ATP8A2: variants seen among roughly 807,000 people sequenced by gnomAD.
The protein encoded by ATP8A2 is ATPase phospholipid transporting 8A2, also known as phospholipid-transporting ATPase IB.
ATP8A2 carries 100 observed loss-of-function variants against 165.6 expected under a neutral mutation model. The ratio of observed to expected loss-of-function variants is 0.60; its 90% confidence interval spans 0.51 to 0.71. The LOEUF is 0.71. Ranked by LOEUF, ATP8A2 falls within the 30% of genes least tolerant of loss-of-function variation. The pLI is 0.00. For synonymous variants in ATP8A2, 543 were observed against 548.8 expected (o/e 0.99, Z 0.15); for missense variants, 1,227 against 1,479.5 (o/e 0.83, Z 2.80).
intron 35 of ATP8A2, among the ~76,000 whole-genome samples, chr13:25,991,726 G>A (rs922581755): frequency 6.6e-6 from 1 of 152,152 alleles, no homozygotes. Context: ...TGTACCACGC[G>A]TTGCTTGACC....
chr13:25,794,605 G>A (rs1950458092), intron 27 of ATP8A2, among the ~76,000 whole-genome samples: 1 of 152,046 alleles, frequency 6.6e-6, no homozygotes, highest in Admixed American at 6.6e-5. Context: ...TCTTGATTAT[G>A]GTGGTTACAC....
chr13:25,630,122 C>T (rs533804782), intron 24 of ATP8A2, among the ~76,000 whole-genome samples: 3 of 152,160 alleles, frequency 2.0e-5, no homozygotes, highest in East Asian at 1.9e-4. Context: ...GAAAACCAGG[C>T]CTCAAATTTT....
At chr13:25,877,350 T>G (rs1216109260) in intron 33 of ATP8A2, among the ~76,000 whole-genome samples, 1 of 152,226 alleles carries the variant, frequency 6.6e-6, no homozygotes, top group Non-Finnish European at 1.5e-5. Context: ...CTCACCTCTT[T>G]GTTTTTAAAA....
intron 1 of ATP8A2, among the ~76,000 whole-genome samples, chr13:25,434,948 GATGGCGTTA>G (rs1311662354): frequency 6.6e-6 from 1 of 152,082 alleles, no homozygotes; most frequent in Non-Finnish European, 1.5e-5. Flanking sequence ...CCTGGATGAT[GATGGCGTTA>G]ATGAGAAAGA....
chr13:25,953,522 TAAA>T lies in ATP8A2; in HGVS notation c.3184-8031_3184-8029del, dbSNP rs374397075. Among the ~76,000 whole-genome samples the T allele has an allele frequency of 2.0e-4, 19 of 94,956 alleles. No individual in the cohort carries two copies. The highest frequency in any genetic ancestry group is 3.7e-4 in the South Asian group (1 of 2,708). The allele number at this position is 94,956 out of a possible 152,430, so 62.3% of individuals were successfully genotyped here. On this transcript the variant is annotated intron_variant, in intron 33 of 36. Transcript: ENST00000381655. The surrounding 1 kb of genome is among the most constrained non-coding windows in gnomAD (Gnocchi z 6.7). Reference sequence around the variant, plus strand: ...GTAGCCCTGGTTACTCCAGCCTTTTTAAAAAAAAAAAAAAAAAAAAAAAAGCAA... The same window carrying T: ...GTAGCCCTGGTTACTCCAGCCTTTTTAAAAAAAAAAAAAAAAAAAAAGCAA...
intron 24 of ATP8A2, among the ~76,000 whole-genome samples, chr13:25,596,281 A>T (rs1313310312): frequency 5.9e-5 from 9 of 152,238 alleles, no homozygotes; most frequent in Admixed American, 5.9e-4. Flanking sequence ...ATCACAGGTA[A>T]TGATTTTAAA....
chr13:25,737,905 C>T (rs940107992), intron 25 of ATP8A2, among the ~76,000 whole-genome samples: 14 of 152,082 alleles, frequency 9.2e-5, no homozygotes, highest in African/African-American at 1.7e-4. Context: ...AGGATGGTCT[C>T]GATCTCCTGA....
chr13:25,403,523 T>C (rs752681686), intron 1 of ATP8A2, among the ~76,000 whole-genome samples: 1 of 152,176 alleles, frequency 6.6e-6, no homozygotes, highest in Non-Finnish European at 1.5e-5. Flanking sequence ...GAGTTGTGGA[T>C]CCTATCTCCA....
intron 1 of ATP8A2, among the ~76,000 whole-genome samples, chr13:25,402,112 A>C (rs2033656541): frequency 6.6e-6 from 1 of 152,138 alleles, no homozygotes; most frequent in Non-Finnish European, 1.5e-5. Flanking sequence ...TAAGTGACTA[A>C]ATGGGCTGGC....
At chr13:25,408,234 A>T (rs2033864603) in intron 1 of ATP8A2, among the ~76,000 whole-genome samples, 1 of 152,162 alleles carries the variant, frequency 6.6e-6, no homozygotes, top group South Asian at 2.1e-4. Context: ...CTCTACTAAA[A>T]TACAGAAAAT....
chr13:25,802,293 C>G (rs2138463114), intron 27 of ATP8A2, among the ~76,000 whole-genome samples: 1 of 152,196 alleles, frequency 6.6e-6, no homozygotes, highest in African/African-American at 2.4e-5. Context: ...TCTATACTGG[C>G]AACTCCATGG....
chr13:25,447,887 C>A (rs2035112498), intron 1 of ATP8A2, among the ~76,000 whole-genome samples: 1 of 152,144 alleles, frequency 6.6e-6, no homozygotes, highest in South Asian at 2.1e-4. Flanking sequence ...GGGAGGAAGT[C>A]CTCTCAGACT....
chr13:25,955,515 A>G (rs916907874), intron 33 of ATP8A2, among the ~76,000 whole-genome samples: 2 of 152,246 alleles, frequency 1.3e-5, no homozygotes, highest in African/African-American at 4.8e-5. Flanking sequence ...CAAATAAACT[A>G]GAAAATCTAG....
chr13:25,426,316 GAC>G (rs2138124798), intron 1 of ATP8A2, among the ~76,000 whole-genome samples: 1 of 152,300 alleles, frequency 6.6e-6, no homozygotes, highest in Admixed American at 6.5e-5. Context: ...AGGAGCAAGA[GAC>G]AGAGTGGTGG....
chr13:25,715,689 A>G (rs1337420912), intron 25 of ATP8A2, among the ~76,000 whole-genome samples: 2 of 152,220 alleles, frequency 1.3e-5, no homozygotes, highest in Non-Finnish European at 2.9e-5. Flanking sequence ...TATCACATGT[A>G]GTTTATTCAT....
intron 33 of ATP8A2, among the ~76,000 whole-genome samples, chr13:25,928,611 A>G (rs1334172192): frequency 6.6e-6 from 1 of 152,220 alleles, no homozygotes; most frequent in South Asian, 2.1e-4. Flanking sequence ...TGTTTCAATA[A>G]TAGAACAGTT....
chr13:25,807,559 T>A (rs936258987), intron 27 of ATP8A2, among the ~76,000 whole-genome samples: 1 of 152,202 alleles, frequency 6.6e-6, no homozygotes, highest in Non-Finnish European at 1.5e-5. Flanking sequence ...ATCTGCAAAA[T>A]TATTTTAATA....
At chr13:25,618,015 A>G (rs2040870955) in intron 24 of ATP8A2, among the ~76,000 whole-genome samples, 1 of 152,198 alleles carries the variant, frequency 6.6e-6, no homozygotes, top group Non-Finnish European at 1.5e-5. Flanking sequence ...AGGAGCTGAA[A>G]GACCGTGAGT....
At chr13:25,549,200 C>T (rs553999719) in intron 10 of ATP8A2, among the ~76,000 whole-genome samples, 5 of 152,242 alleles carry the variant, frequency 3.3e-5, no homozygotes, top group Admixed American at 3.3e-4. Context: ...TGGCTCATGC[C>T]TGTAATCCCA....
Sources: allele counts gnomAD v4.1 joint callset (sites outside exome capture counted in the v4.1 genomes callset), GRCh38; gene constraint gnomAD v4.1.1; non-coding constraint Gnocchi (gnomAD v3.1); transcripts MANE v1.5; gene names NCBI Gene and HGNC (gene_info 2026-07-23, HGNC 2026-07-21).